Variants in NOL10 observed in about 807,000 individuals in gnomAD.
NOL10 encodes the protein nucleolar protein 10.
In NOL10, 58 loss-of-function variants were observed where a neutral mutation model predicts 103.5. The ratio of observed to expected loss-of-function variants is 0.56; its 90% confidence interval spans 0.45 to 0.70. The LOEUF (loss-of-function observed/expected upper bound fraction) is 0.70, where lower values mean the gene tolerates loss of function less well. Among genes scored for constraint, NOL10 ranks in the 30% least tolerant of loss-of-function variants. NOL10 has a pLI of 0.00. For synonymous variants in NOL10, 287 were observed against 282.5 expected (o/e 1.02, Z -0.16); for missense variants, 763 against 807.3 (o/e 0.95, Z 0.67).
chr2:10,631,911 T>C (rs538620010), intron 13 of NOL10, among the ~76,000 whole-genome samples: 21 of 152,194 alleles, frequency 1.4e-4, no homozygotes, highest in Admixed American at 1.4e-3. Flanking sequence ...ACGGGGTTTC[T>C]CCATGTTGGT....
intron 8 of NOL10, among the ~76,000 whole-genome samples, chr2:10,666,537 C>A (rs1680577908): frequency 6.6e-6 from 1 of 152,126 alleles, no homozygotes; most frequent in Non-Finnish European, 1.5e-5. Context: ...CCATATTGGC[C>A]AGGCTGGTCT....
intron 9 of NOL10, among the ~76,000 whole-genome samples, chr2:10,659,632 G>A (rs1437913330): frequency 6.6e-6 from 1 of 152,162 alleles, no homozygotes; most frequent in Admixed American, 6.5e-5. Context: ...GCAGTGAGCT[G>A]TGATCATTCC....
chr2:10,675,843 A>G lies in NOL10; in HGVS notation c.240T>C (p.Tyr80=), dbSNP rs1262039586. Residue 80 remains tyrosine, a synonymous_variant, in exon 4 of 21, where the codon TAT becomes TAC. Transcript: ENST00000381685. ...ACTTCAAGGATAATTGATAGGTGTC[A>G]TAACATCGAACCCGAGGTTTATATG... ...TGTYKPRVRC[Y]DTYQLSLKFE... The G allele has an allele frequency of 6.3e-7, 1 of 1,582,336 alleles. No individual in the cohort carries two copies. Among genetic ancestry groups the G allele is most frequent in the East Asian group, 2.3e-5 (1 of 44,386 alleles).
At chr2:10,616,045 T>C (rs909499322) in intron 13 of NOL10, among the ~76,000 whole-genome samples, 1 of 152,130 alleles carries the variant, frequency 6.6e-6, no homozygotes, top group Admixed American at 6.6e-5. Flanking sequence ...CCTATGCTGC[T>C]GTGCGTCCAC....
rs999690010 is a variant in NOL10, at chr2:10,571,816, GC to G, written c.*254del. 2.6e-5 allele frequency: 9 copies of G among 348,882 alleles called. No individual in the cohort carries two copies. The highest frequency in any genetic ancestry group is 1.7e-4 in the African/African-American group (8 of 47,342). The allele number at this position is 348,882 out of a possible 1,614,324, so 21.6% of individuals were successfully genotyped here. On this transcript the variant is annotated 3_prime_UTR_variant, in exon 21 of 21. Transcript: ENST00000381685. ...CCCCAGCCTGGTTTTCATGATTAAC[GC>G]CGTGGGGAAAGGACAATGTTTCCAG...
chr2:10,674,354 T>C (rs544298535), intron 4 of NOL10, among the ~76,000 whole-genome samples: 1 of 152,300 alleles, frequency 6.6e-6, no homozygotes, highest in East Asian at 1.9e-4. Context: ...TAAAAGCACT[T>C]GAACTTTCCC....
intron 16 of NOL10, among the ~76,000 whole-genome samples, chr2:10,601,156 C>T (rs998712352): frequency 1.3e-4 from 19 of 151,928 alleles, no homozygotes; most frequent in Non-Finnish European, 2.6e-4. Context: ...CTCCGCCTCC[C>T]GGGTTCATGC....
chr2:10,636,808 C>A (rs1056688882), intron 13 of NOL10, among the ~76,000 whole-genome samples: 1 of 152,152 alleles, frequency 6.6e-6, no homozygotes, highest in South Asian at 2.1e-4. Context: ...TAACAGACAA[C>A]AGTCATTGAC....
At chr2:10,659,310 A>C in intron 9 of NOL10, 60 bp from the exon 10 acceptor site, 1 of 586,070 alleles carries the variant, frequency 1.7e-6, no homozygotes, top group Non-Finnish European at 2.9e-6. Flanking sequence ...CCAAGTAACA[A>C]GTTCATTATT....
At position 10,681,994 on chromosome 2, in the gene NOL10, T is replaced by A. The variant is rs747982388; in HGVS notation, c.188A>T (p.Asp63Val). The change falls in exon 3 of 21, where the codon GAT (aspartate) becomes GTT (valine). Residue 63 changes from aspartate (D) to valine (V), a missense_variant. Transcript: ENST00000381685. ...TVCTTIKVSK[D>V]GQYILATGTY... ...ACCAGTTGCTAAAATGTACTGTCCA[T>A]CTTTTGACACCTTAATAGTGGTACA... is the stretch of plus-strand genomic sequence containing the variant. 18 of 1,482,134 alleles carry A rather than the reference T, an allele frequency of 1.2e-5. No individual in the cohort carries two copies. Among genetic ancestry groups the A allele is most frequent in the Non-Finnish European group, 1.4e-5 (16 of 1,107,636 alleles). The allele number at this position is 1,482,134 out of a possible 1,614,324, so 91.8% of individuals were successfully genotyped here.
chr2:10,645,103 G>A (rs1014605347), intron 12 of NOL10, among the ~76,000 whole-genome samples: 2 of 152,096 alleles, frequency 1.3e-5, no homozygotes, highest in Non-Finnish European at 2.9e-5. Flanking sequence ...CTATCTTAGT[G>A]AACATACAAC....
intron 1 of NOL10, among the ~76,000 whole-genome samples, chr2:10,685,283 G>A (rs1682072552): frequency 6.6e-6 from 1 of 152,088 alleles, no homozygotes. Context: ...CATTTTGGGA[G>A]GCCGATTGAG....
intron 13 of NOL10, among the ~76,000 whole-genome samples, chr2:10,615,913 A>T (rs1676808872): frequency 6.6e-6 from 1 of 152,138 alleles, no homozygotes; most frequent in Admixed American, 6.5e-5. Context: ...GGTGGGGAGT[A>T]TGCCACCAGG....
At chr2:10,578,474 T>C (rs1318165660) in intron 19 of NOL10, among the ~76,000 whole-genome samples, 2 of 152,246 alleles carry the variant, frequency 1.3e-5, no homozygotes, top group African/African-American at 4.8e-5. Flanking sequence ...TTAAATCTCA[T>C]TTCATTTCTT....
At chr2:10,602,386 G>A (rs1463882794) in intron 16 of NOL10, among the ~76,000 whole-genome samples, 2 of 152,110 alleles carry the variant, frequency 1.3e-5, no homozygotes, top group African/African-American at 4.8e-5. Flanking sequence ...TACGACTGTC[G>A]ACCATTTCCC....
At chr2:10,587,275 A>ATATTTTTTTT (rs1280231319) in intron 19 of NOL10, among the ~76,000 whole-genome samples, 3 of 22,562 alleles carry the variant, frequency 1.3e-4, no homozygotes, top group Admixed American at 1.1e-3. Flanking sequence ...ATATATATAT[A>ATATTTTTTTT]TTTTTTTTTT....
chr2:10,598,522 T>C (rs1675814800), intron 17 of NOL10, among the ~76,000 whole-genome samples: 1 of 152,178 alleles, frequency 6.6e-6, no homozygotes, highest in South Asian at 2.1e-4. Flanking sequence ...GGGGACCACG[T>C]AATGGTGAAC....
At chr2:10,672,990 T>C (rs998003481) in intron 5 of NOL10, among the ~76,000 whole-genome samples, 11 of 151,174 alleles carry the variant, frequency 7.3e-5, no homozygotes, top group Admixed American at 2.6e-4. Context: ...CAAGGCCCTG[T>C]CTCCAAAAAA....
At chr2:10,679,166 C>G (rs1282055327) in intron 3 of NOL10, among the ~76,000 whole-genome samples, 2 of 151,936 alleles carry the variant, frequency 1.3e-5, no homozygotes, top group African/African-American at 4.8e-5. Context: ...TCAAGACCAG[C>G]CTGACCAACA....
Sources: gnomAD v4.1 joint callset for allele counts (sites outside exome capture counted in the v4.1 genomes callset) on GRCh38, gnomAD v4.1.1 for gene constraint, MANE v1.5 for transcripts, NCBI Gene and HGNC (gene_info 2026-07-23, HGNC 2026-07-21) for gene names.